The following TESK1 variants were observed in gnomAD, a reference collection of about 807,000 sequenced individuals.
TESK1 encodes the protein dual specificity testis-specific protein kinase 1.
Under a neutral mutation model 59.9 loss-of-function variants are expected in TESK1, and 18 were observed. That is an observed-to-expected ratio of 0.30 (90% CI 0.21 to 0.45). The LOEUF (loss-of-function observed/expected upper bound fraction) is 0.45. TESK1 is among the 20% of genes least tolerant of loss of function. TESK1 has a pLI of 1.00. For missense variants in TESK1, 748 were observed against 840.9 expected (o/e 0.89, Z 1.37); for synonymous variants, 341 against 357.4 (o/e 0.95, Z 0.52).
At chr9:35,608,283 G>A in intron 8 of TESK1, 34 bp downstream of exon 8, 1 of 1,611,830 alleles carries the variant, frequency 6.2e-7, no homozygotes, top group Non-Finnish European at 8.5e-7. Flanking sequence ...GCCCCACCCT[G>A]CCCCCATCCG....
At chr9:35,608,286 C>T (rs763984178) in intron 8 of TESK1, 37 bp downstream of exon 8, 1 of 1,611,756 alleles carries the variant, frequency 6.2e-7, no homozygotes, top group South Asian at 1.1e-5. Flanking sequence ...CCACCCTGCC[C>T]CCATCCGTAA....
In TESK1 at chr9:35,606,035, C is replaced by G. The variant is rs757228776; in HGVS notation, c.271C>G (p.Pro91Ala). The G allele has an allele frequency of 2.4e-5, 39 of 1,614,136 alleles. No individual in the cohort carries two copies. Among genetic ancestry groups the G allele is most frequent in the Non-Finnish European group, 3.2e-5 (38 of 1,180,018 alleles). Reference sequence around the variant, plus strand: ...CATGGTGCTGAAGATGAACAAGCTCCCCAGTAACCGGGGCAACACACTACG... The same window carrying G: ...CATGGTGCTGAAGATGAACAAGCTCGCCAGTAACCGGGGCAACACACTACG... ...QVMVLKMNKL[P>A]SNRGNTLREV... Residue 91 changes from proline (P) to alanine (A), a missense_variant, in exon 2 of 10, where the codon CCC becomes GCC. Pro to Ala is a conservative substitution (Grantham distance 27). Coordinates refer to ENST00000336395, the MANE Select transcript of TESK1 (RefSeq NM_006285.3).
Position 35,605,596 on chromosome 9 carries a change from C to G in TESK1, c.-24C>G, listed in dbSNP as rs1822827327. 6.6e-6 allele frequency: 6 copies of G among 914,982 alleles called. No individual in the cohort carries two copies. The highest frequency in any genetic ancestry group is 7.0e-6 in the Non-Finnish European group (5 of 715,394). The allele number at this position is 914,982 out of a possible 1,614,324, so 56.7% of individuals were successfully genotyped here. A position where few individuals can be genotyped will look rare whatever the true frequency, so the allele number is the denominator to read the frequency against. On this transcript the variant is annotated 5_prime_UTR_variant, in exon 1 of 10. Coordinates refer to ENST00000336395, the MANE Select transcript of TESK1 (RefSeq NM_006285.3). ...GCCCTGGGGACCCTGCCATGTGAGG[C>G]AGGCCCGGGCTGGGGGCCCGGCCAT...
Position 35,608,259 on chromosome 9 carries a change from T to C in TESK1, c.885+10T>C. The C allele has an allele frequency of 1.2e-6, 2 of 1,613,850 alleles. No individual in the cohort carries two copies. Among genetic ancestry groups the C allele is most frequent in the Non-Finnish European group, 8.5e-7 (1 of 1,179,852 alleles). On this transcript the variant is annotated intron_variant, in intron 8 of 9. Transcript: ENST00000336395. ...CATCCACTGCTGCAACGTAAGAGCC[T>C]CACACTCCTTCCTGCCCCACCCTGC...
Position 35,605,499 on chromosome 9 carries a change from A to G in TESK1, c.-121A>G, listed in dbSNP as rs1055899826. On this transcript the variant is annotated 5_prime_UTR_variant, in exon 1 of 10. Transcript: ENST00000336395. The stretch of plus-strand genomic sequence containing the variant: ...GATCTTCGGCGGATCTTCCATTCTC[A>G]GGGCGGGAGCCGGAGTCCGGGCGCC... 3 of 240,308 alleles carry G rather than the reference A, an allele frequency of 1.2e-5. No individual in the cohort carries two copies. The allele number at this position is 240,308 out of a possible 1,614,324, so 14.9% of individuals were successfully genotyped here. A position where few individuals can be genotyped will look rare whatever the true frequency, so the allele number is the denominator to read the frequency against.
In TESK1 at chr9:35,609,820, G is replaced by A; in HGVS notation, c.*78G>A. 1.4e-6 allele frequency: 2 copies of A among 1,429,656 alleles called. No homozygotes were observed. Among genetic ancestry groups the A allele is most frequent in the South Asian group, 2.9e-5 (2 of 69,316 alleles). The allele number at this position is 1,429,656 out of a possible 1,614,324, so 88.6% of individuals were successfully genotyped here. On this transcript the variant is annotated 3_prime_UTR_variant, in exon 10 of 10. Coordinates refer to ENST00000336395, the MANE Select transcript of TESK1 (RefSeq NM_006285.3). This position sits in a 1 kb window ranked among gnomAD's most constrained non-coding sequence, Gnocchi z 6.7. Reference sequence around the variant, plus strand: ...AAGAACAGAGCACACTTGCTGGACAGTGCCAGTTCCAGATGGGCTGACCGG... The same window carrying A: ...AAGAACAGAGCACACTTGCTGGACAATGCCAGTTCCAGATGGGCTGACCGG...
chr9:35,609,376 C>G lies in TESK1; in HGVS notation c.1515C>G (p.Pro505=). The G allele has an allele frequency of 6.2e-7, 1 of 1,611,886 alleles. No homozygotes were observed. Among genetic ancestry groups the G allele is most frequent in the Non-Finnish European group, 8.5e-7 (1 of 1,179,044 alleles). Residue 505 remains proline, a synonymous_variant, in exon 10 of 10, where the codon CCC becomes CCG. Coordinates refer to ENST00000336395, the MANE Select transcript of TESK1 (RefSeq NM_006285.3). The surrounding 1 kb of genome is among the most constrained non-coding windows in gnomAD (Gnocchi z 6.7). ...FISTCSSASQ[P]WSPRSGPVLN... is the part of the protein sequence containing the mutation. ...GCACCTGTTCCTCGGCCTCCCAACCCTGGTCCCCTAGATCAGGACCCGTCC... is the reference window on the plus strand; with the variant it reads ...GCACCTGTTCCTCGGCCTCCCAACCGTGGTCCCCTAGATCAGGACCCGTCC...
At position 35,608,166 on chromosome 9, in the gene TESK1, G is replaced by A; in HGVS notation, c.802G>A (p.Gly268Ser). The change falls in exon 8 of 10, where the codon GGC becomes AGC. Residue 268 changes from glycine (G) to serine (S), a missense_variant. Gly to Ser is a moderately conservative substitution (Grantham distance 56, BLOSUM62 0). Coordinates refer to ENST00000336395, the MANE Select transcript of TESK1 (RefSeq NM_006285.3). The stretch of plus-strand genomic sequence containing the variant: ...CCTCCTTCTGTCCCCACAGGACTTT[G>A]GCCTGGATGTGCCTGCTTTCCGAAC... The part of the protein sequence containing the change: ...PDYLPRTEDF[G>S]LDVPAFRTLV... 6.2e-7 allele frequency: 1 copy of A among 1,614,142 alleles called. No homozygotes were observed. The highest frequency in any genetic ancestry group is 2.2e-5 in the East Asian group (1 of 44,884).
Position 35,607,988 on chromosome 9 carries a change from C to T in TESK1, c.772C>T (p.Pro258Ser). 6.2e-7 allele frequency: 1 copy of T among 1,614,142 alleles called. No individual in the cohort carries two copies. The highest frequency in any genetic ancestry group is 8.5e-7 in the Non-Finnish European group (1 of 1,180,010). Residue 258 changes from proline (P) to serine (S), a missense_variant, in exon 7 of 10, where the codon CCT becomes TCT. Coordinates refer to ENST00000336395, the MANE Select transcript of TESK1 (RefSeq NM_006285.3). This position sits in a 1 kb window ranked among gnomAD's most constrained non-coding sequence, Gnocchi z 4.5. ...GCTCATCGCCCGAGTACCTGCAGAC[C>T]CTGACTACCTACCACGCACTGAGGT... ...CELIARVPADPDYLPRTEDFG... is the reference protein window; with the variant it reads ...CELIARVPADSDYLPRTEDFG...
Position 35,608,948 on chromosome 9 carries a change from CCAT to C in TESK1, c.1090_1092del (p.Ser364del), listed in dbSNP as rs1822910410. The C allele has an allele frequency of 6.2e-7, 1 of 1,614,042 alleles. No homozygotes were observed. Among genetic ancestry groups the C allele is most frequent in the African/African-American group, 1.3e-5 (1 of 74,940 alleles). ...AAGCCGGTCAGACCTCTTCCTGCCCCCATCACCAGAATCACCCCCCAACTGGGG... is the reference window on the plus strand; with the variant it reads ...AAGCCGGTCAGACCTCTTCCTGCCCCCACCAGAATCACCCCCCAACTGGGG... On this transcript the variant is annotated inframe_deletion, in exon 10 of 10. Coordinates refer to ENST00000336395, the MANE Select transcript of TESK1 (RefSeq NM_006285.3).
chr9:35,606,748 C>A, intron 3 of TESK1, 89 bp from the exon 4 acceptor site: 3 of 1,366,890 alleles, frequency 2.2e-6, no homozygotes, highest in Non-Finnish European at 3.0e-6. Flanking sequence ...CCTCTGTGAT[C>A]CTCGGGAGTG....
rs1286031748 is a variant in TESK1 at position 35,605,468 on chromosome 9, G to A, written c.-152G>A. ...CAGCCAGCCGGCGCGGCGGGGGCGG[G>A]TCCAGGATCTTCGGCGGATCTTCCA... is the stretch of plus-strand genomic sequence containing the variant. On this transcript the variant is annotated 5_prime_UTR_variant, in exon 1 of 10. Coordinates refer to ENST00000336395, the MANE Select transcript of TESK1 (RefSeq NM_006285.3). 2 of 207,880 alleles carry A rather than the reference G, an allele frequency of 9.6e-6. No homozygotes were observed. Among genetic ancestry groups the A allele is most frequent in the East Asian group, 2.4e-4 (2 of 8,236 alleles). The allele number at this position is 207,880 out of a possible 1,614,324, so 12.9% of individuals were successfully genotyped here.
Position 35,609,926 on chromosome 9 carries a change from G to T in TESK1, c.*184G>T. 3.2e-6 allele frequency: 2 copies of T among 634,298 alleles called. No individual in the cohort carries two copies. Among genetic ancestry groups the T allele is most frequent in the Non-Finnish European group, 5.2e-6 (2 of 384,096 alleles). The allele number at this position is 634,298 out of a possible 1,614,324, so 39.3% of individuals were successfully genotyped here. ...AGTCGACCCCCCGGCTCGCGTTCCC[G>T]TGGGGATCACTGAACCAGACACAGC... On this transcript the variant is annotated 3_prime_UTR_variant, in exon 10 of 10. Coordinates refer to ENST00000336395, the MANE Select transcript of TESK1 (RefSeq NM_006285.3). This position sits in a 1 kb window ranked among gnomAD's most constrained non-coding sequence, Gnocchi z 6.7.
rs1339505258 is a variant in TESK1 at position 35,605,768 on chromosome 9, G to T, written c.149G>T (p.Ser50Ile). ...SYRALRSAVS[S>I]LARVDDFHCA... ...CGGGCTCTCCGCAGCGCCGTGTCTAGCCTGGCGCGTGTGGACGATTTTCAC... is the reference window on the plus strand; with the variant it reads ...CGGGCTCTCCGCAGCGCCGTGTCTATCCTGGCGCGTGTGGACGATTTTCAC... Residue 50 changes from serine to isoleucine, a missense_variant, in exon 1 of 10, where the codon AGC (serine) becomes ATC (isoleucine). Transcript: ENST00000336395. The T allele has an allele frequency of 1.2e-6, 2 of 1,609,894 alleles. No individual in the cohort carries two copies. Among genetic ancestry groups the T allele is most frequent in the Non-Finnish European group, 1.7e-6 (2 of 1,178,726 alleles).
rs1269596674 is a variant in TESK1, at chr9:35,608,476, C to G, written c.967C>G (p.Pro323Ala). 3 of 1,614,044 alleles carry G rather than the reference C, an allele frequency of 1.9e-6. No individual in the cohort carries two copies. The highest frequency in any genetic ancestry group is 2.5e-6 in the Non-Finnish European group (3 of 1,180,040). The change falls in exon 9 of 10, where the codon CCA becomes GCA. Residue 323 changes from proline to alanine, a missense_variant. Around this residue, in one of 3 missense-constraint regions of TESK1, gnomAD observed 447 missense variants for 466.1 expected, o/e 0.96. Coordinates refer to ENST00000336395, the MANE Select transcript of TESK1 (RefSeq NM_006285.3). ...CCTGGAGCAGCTGCCTGAGCCAGCC[C>G]CACTCACCAGGACCGCCCTGACACA... ...WILEQLPEPAPLTRTALTHNQ... is the reference protein window; with the variant it reads ...WILEQLPEPAALTRTALTHNQ...
In TESK1 at chr9:35,609,753, C is replaced by G. The variant is rs764642330; in HGVS notation, c.*11C>G. 11 of 1,564,032 alleles carry G rather than the reference C, an allele frequency of 7.0e-6. No homozygotes were observed. Among genetic ancestry groups the G allele is most frequent in the Non-Finnish European group, 9.5e-6 (11 of 1,160,708 alleles). Reference sequence around the variant, plus strand: ...GGGGCACGCTCTTAGCAGTGGAGCCCGTGGTCTCAGGCCTCCAACTTTGGC... The same window carrying G: ...GGGGCACGCTCTTAGCAGTGGAGCCGGTGGTCTCAGGCCTCCAACTTTGGC... On this transcript the variant is annotated 3_prime_UTR_variant, in exon 10 of 10. Transcript: ENST00000336395. The surrounding 1 kb of genome is among the most constrained non-coding windows in gnomAD (Gnocchi z 6.7).
chr9:35,607,750 A>G lies in TESK1; in HGVS notation c.711+78A>G, dbSNP rs1349585760. ...TCTCATAAAGCCCCATCCATCCCCA[A>G]AACAACCCTACCAGATCTTCAGGAG... On this transcript the variant is annotated intron_variant, in intron 6 of 9. Transcript: ENST00000336395. This position sits in a 1 kb window ranked among gnomAD's most constrained non-coding sequence, Gnocchi z 4.5. The G allele has an allele frequency of 2.2e-6, 3 of 1,395,150 alleles. No homozygotes were observed. The African/African-American group carries it at 4.3e-5, about 20-fold the overall frequency. 86.4% of individuals were successfully genotyped at this position (1,395,150 alleles called of 1,614,324 possible).
rs1182249416 is a variant in TESK1 at position 35,607,053 on chromosome 9, T to C, written c.537+70T>C. 1.4e-6 allele frequency: 2 copies of C among 1,473,784 alleles called. No individual in the cohort carries two copies. The allele number at this position is 1,473,784 out of a possible 1,614,324, so 91.3% of individuals were successfully genotyped here. A position where few individuals can be genotyped will look rare whatever the true frequency, so the allele number is the denominator to read the frequency against. On this transcript the variant is annotated intron_variant, in intron 4 of 9. Coordinates refer to ENST00000336395, the MANE Select transcript of TESK1 (RefSeq NM_006285.3). This position sits in a 1 kb window ranked among gnomAD's most constrained non-coding sequence, Gnocchi z 4.5. ...TATTAGGTTGTAACTGGCCTGTGGATGTTGGAATATGGATAACAGATATAT... is the reference window on the plus strand; with the variant it reads ...TATTAGGTTGTAACTGGCCTGTGGACGTTGGAATATGGATAACAGATATAT...
At position 35,606,110 on chromosome 9, in the gene TESK1, G is replaced by C; in HGVS notation, c.341+5G>C. The C allele has an allele frequency of 6.2e-7, 1 of 1,614,184 alleles. No homozygotes were observed. Among genetic ancestry groups the C allele is most frequent in the Non-Finnish European group, 8.5e-7 (1 of 1,180,002 alleles). On this transcript the variant is annotated splice_donor_5th_base_variant and intron_variant, in intron 2 of 9. Transcript: ENST00000336395. ...CAGGCACCCCAACATCCTAAGGTGAGCGGCCCCAGTCTCTGGGCAGCTTGC... is the reference window on the plus strand; with the variant it reads ...CAGGCACCCCAACATCCTAAGGTGACCGGCCCCAGTCTCTGGGCAGCTTGC...
Sources: gnomAD v4.1 joint callset for allele counts on GRCh38, gnomAD v4.1.1 for gene constraint, gnomAD v4.1.1 regional missense constraint, Gnocchi (gnomAD v3.1) non-coding constraint, MANE v1.5 for transcripts, NCBI Gene and HGNC (gene_info 2026-07-23, HGNC 2026-07-21) for gene names.